The following DYNC1I1 variants were observed in gnomAD, a reference collection of about 807,000 sequenced individuals.
The protein encoded by DYNC1I1 is dynein cytoplasmic 1 intermediate chain 1, also known as cytoplasmic dynein 1 intermediate chain 1.
DYNC1I1 carries 43 observed loss-of-function variants against 86.6 expected under a neutral mutation model. The observed-to-expected ratio is 0.50, with a 90% CI of 0.39 to 0.64. The LOEUF is 0.64. Among genes scored for constraint, DYNC1I1 ranks in the 30% least tolerant of loss-of-function variants. The probability of loss-of-function intolerance (pLI) is 0.00; values close to 1 mark genes in which losing one functional copy is unlikely to be tolerated. For synonymous variants in DYNC1I1, 262 were observed against 283.7 expected, an observed-to-expected ratio of 0.92 and a Z score of 0.77; for missense variants, 604 against 788.8, an observed-to-expected ratio of 0.77 and a Z score of 2.81.
At chr7:95,914,079 G>A (rs1791408008) in intron 6 of DYNC1I1, among the ~76,000 whole-genome samples, 1 of 152,224 alleles carries the variant, frequency 6.6e-6, no homozygotes, top group Admixed American at 6.5e-5. Context: ...GGACTGGGTT[G>A]ATAGGTTTAT....
At chr7:95,982,171 C>A (rs933654722) in intron 7 of DYNC1I1, among the ~76,000 whole-genome samples, 4 of 152,064 alleles carry the variant, frequency 2.6e-5, no homozygotes, top group Admixed American at 2.6e-4. Context: ...TACTATGGCC[C>A]TATTTAATTA....
chr7:95,997,459 A>C (rs1050400502), intron 10 of DYNC1I1, among the ~76,000 whole-genome samples: 4 of 152,128 alleles, frequency 2.6e-5, no homozygotes, highest in Admixed American at 6.6e-5. Context: ...AATATGTATG[A>C]TCTTTATCAT....
chr7:95,785,385 G>C (rs891645336), intron 1 of DYNC1I1, among the ~76,000 whole-genome samples: 1 of 152,128 alleles, frequency 6.6e-6, no homozygotes, highest in East Asian at 1.9e-4. Flanking sequence ...TTGCACTCCA[G>C]CCTGGGCGAC....
chr7:95,843,822 G>A lies in DYNC1I1; in HGVS notation c.374+15706G>A, dbSNP rs562584878. 1.2e-4 allele frequency among the ~76,000 whole-genome samples: 19 copies of A among 152,260 alleles called. 1 individual carries two copies. The East Asian group carries it at 3.5e-3, about 28-fold the overall frequency. On this transcript the variant is annotated intron_variant, in intron 5 of 16. Transcript: ENST00000447467. ...AAAAATGCTTTGCTTTCTTTCTTAG[G>A]CCATTATAATAGATTAGGTGAATTG...
rs1009351868 is a variant in DYNC1I1, at chr7:96,035,499, G to C, written c.1231-120G>C. ...AAAGCATGGTTTCTGGCACAGCCGG[G>C]GTCTTTTGTAACGCTGTGTGAAAAG... On this transcript the variant is annotated intron_variant, in intron 12 of 16. Coordinates refer to ENST00000447467, the MANE Select transcript of DYNC1I1 (RefSeq NM_001135556.2). The C allele has an allele frequency of 1.2e-5, 16 of 1,316,946 alleles. No individual in the cohort carries two copies. In the East Asian group the frequency reaches 4.1e-4, roughly 34 times the overall value. 81.6% of individuals were successfully genotyped at this position (1,316,946 alleles called of 1,614,324 possible). A position where few individuals can be genotyped will look rare whatever the true frequency, so the allele number is the denominator to read the frequency against.
chr7:95,937,853 A>G (rs1792089929), intron 6 of DYNC1I1, among the ~76,000 whole-genome samples: 1 of 152,070 alleles, frequency 6.6e-6, no homozygotes, highest in African/African-American at 2.4e-5. Context: ...ACCAACCATA[A>G]ACACAGCTCT....
At chr7:95,848,143 C>T (rs1262915671) in intron 5 of DYNC1I1, among the ~76,000 whole-genome samples, 3 of 150,950 alleles carry the variant, frequency 2.0e-5, no homozygotes, top group African/African-American at 4.9e-5. Flanking sequence ...CATCCACCGT[C>T]TTACCATTTT....
At chr7:95,814,990 G>GC (rs1794915472) in intron 4 of DYNC1I1, among the ~76,000 whole-genome samples, 8 of 151,470 alleles carry the variant, frequency 5.3e-5, no homozygotes, top group Admixed American at 5.3e-4. Flanking sequence ...CATTTCTTGG[G>GC]GGGGGTCCAT....
At chr7:95,872,433 T>C (rs1188672035) in intron 6 of DYNC1I1, among the ~76,000 whole-genome samples, 1 of 152,172 alleles carries the variant, frequency 6.6e-6, no homozygotes, top group Non-Finnish European at 1.5e-5. Flanking sequence ...AGAGCATTGA[T>C]TTGTTCTGCC....
intron 7 of DYNC1I1, among the ~76,000 whole-genome samples, chr7:95,979,462 GC>G (rs2115648896): frequency 6.6e-6 from 1 of 152,312 alleles, no homozygotes; most frequent in South Asian, 2.1e-4. Flanking sequence ...GCCTTGCAGT[GC>G]CTGGGTCTAT....
chr7:95,920,211 G>A (rs1016668366), intron 6 of DYNC1I1, among the ~76,000 whole-genome samples: 1 of 152,182 alleles, frequency 6.6e-6, no homozygotes, highest in Non-Finnish European at 1.5e-5. Flanking sequence ...TTTAGAATGA[G>A]ATGAGGAGCA....
At chr7:95,803,869 A>G (rs182652882) in intron 1 of DYNC1I1, among the ~76,000 whole-genome samples, 205 of 152,278 alleles carry the variant, frequency 1.3e-3, no homozygotes, top group Non-Finnish European at 8.7e-4. Context: ...GTAATTAGTA[A>G]GAGTCTTCTT....
chr7:95,960,908 A>G (rs912100821), intron 6 of DYNC1I1, among the ~76,000 whole-genome samples: 22 of 152,208 alleles, frequency 1.4e-4, no homozygotes, highest in Admixed American at 1.3e-4. Context: ...TCAAGTTTTA[A>G]TGGTGCATAG....
intron 3 of DYNC1I1, among the ~76,000 whole-genome samples, chr7:95,812,034 G>A (rs1344845870): frequency 6.6e-6 from 1 of 152,068 alleles, no homozygotes; most frequent in East Asian, 1.9e-4. Flanking sequence ...TCTGGCAAGG[G>A]CCCTGTTTTC....
At chr7:95,867,547 G>A (rs534029289) in intron 5 of DYNC1I1, among the ~76,000 whole-genome samples, 4 of 152,318 alleles carry the variant, frequency 2.6e-5, no homozygotes, top group African/African-American at 9.6e-5. Flanking sequence ...CCATGGTGGA[G>A]TATCAAATTA....
intron 10 of DYNC1I1, among the ~76,000 whole-genome samples, chr7:96,007,942 G>T (rs529850506): frequency 5.3e-5 from 8 of 152,130 alleles, no homozygotes; most frequent in Non-Finnish European, 1.2e-4. Flanking sequence ...GGTTAAGCTA[G>T]GTCAGTACCA....
intron 5 of DYNC1I1, among the ~76,000 whole-genome samples, chr7:95,839,144 C>T (rs1789206114): frequency 6.6e-6 from 1 of 152,160 alleles, no homozygotes; most frequent in Non-Finnish European, 1.5e-5. Flanking sequence ...AATTCTCCTG[C>T]CTCAGCCTCC....
chr7:95,936,205 A>T (rs2116426441), intron 6 of DYNC1I1, among the ~76,000 whole-genome samples: 1 of 152,188 alleles, frequency 6.6e-6, no homozygotes. Flanking sequence ...TGTATTTGTC[A>T]TATAAAATAA....
intron 6 of DYNC1I1, among the ~76,000 whole-genome samples, chr7:95,905,301 C>G (rs1166404716): frequency 6.6e-6 from 1 of 152,114 alleles, no homozygotes; most frequent in Non-Finnish European, 1.5e-5. Context: ...GTTGCGTGTG[C>G]AGAAACACTA....
Sources: gnomAD v4.1 joint callset for allele counts (sites outside exome capture counted in the v4.1 genomes callset) on GRCh38, gnomAD v4.1.1 for gene constraint, MANE v1.5 for transcripts, NCBI Gene and HGNC (gene_info 2026-07-23, HGNC 2026-07-21) for gene names.